GPC5: variants seen among roughly 807,000 people sequenced by gnomAD.
GPC5 encodes glypican-5.
In GPC5, 47 loss-of-function variants were observed where a neutral mutation model predicts 53.9. The ratio of observed to expected loss-of-function variants is 0.87; its 90% CI spans 0.69 to 1.11. The LOEUF is 1.11. Among genes scored for constraint, GPC5 ranks in the 50% most tolerant of loss-of-function variants. The pLI, the probability that GPC5 is intolerant of heterozygous loss-of-function variation, is 0.00. For synonymous variants in GPC5, 286 were observed against 263.3 expected (o/e 1.09, Z -0.84); for missense variants, 748 against 713.1 (o/e 1.05, Z -0.56).
chr13:91,922,599 C>T (rs916808599), intron 6 of GPC5, among the ~76,000 whole-genome samples: 1 of 152,170 alleles, frequency 6.6e-6, no homozygotes, highest in Non-Finnish European at 1.5e-5. Context: ...CTCAGTTTCT[C>T]TCAACATAGA....
At chr13:92,118,594 A>G (rs1039535009) in intron 6 of GPC5, among the ~76,000 whole-genome samples, 1 of 152,184 alleles carries the variant, frequency 6.6e-6, no homozygotes, top group African/African-American at 2.4e-5. Context: ...CAGAGGCCAC[A>G]TTCCTGGTTC....
At chr13:92,865,872 T>C (rs1879318902) in intron 7 of GPC5, among the ~76,000 whole-genome samples, 1 of 152,164 alleles carries the variant, frequency 6.6e-6, no homozygotes, top group Non-Finnish European at 1.5e-5. Flanking sequence ...TAAAAAATAT[T>C]TTATTCAATT....
chr13:92,397,603 C>G (rs1875346384), intron 7 of GPC5, among the ~76,000 whole-genome samples: 1 of 152,198 alleles, frequency 6.6e-6, no homozygotes, highest in South Asian at 2.1e-4. Context: ...TTCCGTGAAT[C>G]TGCCTCTCTG....
intron 7 of GPC5, among the ~76,000 whole-genome samples, chr13:92,563,945 A>G (rs1480211560): frequency 6.6e-6 from 1 of 151,802 alleles, no homozygotes; most frequent in Non-Finnish European, 1.5e-5. Flanking sequence ...ATCATCCATT[A>G]ATTACTCATC....
chr13:92,309,001 G>C (rs1566531549), intron 7 of GPC5, among the ~76,000 whole-genome samples: 1 of 151,958 alleles, frequency 6.6e-6, no homozygotes, highest in African/African-American at 2.4e-5. Flanking sequence ...CTTTTGAGAG[G>C]AGTCATTATG....
chr13:91,410,528 A>G lies in GPC5; in HGVS notation c.163+11319A>G, dbSNP rs180694048. 5.0e-3 allele frequency among the ~76,000 whole-genome samples: 751 copies of G among 151,424 alleles called. 2 individuals carry two copies. Among genetic ancestry groups the G allele is most frequent in the Non-Finnish European group, 7.9e-3 (539 of 67,822 alleles). ...ACCTGGCTAATTTTTTTGTATTTTT[A>G]GTAGAGACGGGGTTTCACTGTGTTA... On this transcript the variant is annotated intron_variant, in intron 1 of 7. Transcript: ENST00000377067.
At chr13:91,639,048 C>T (rs79181931) in intron 2 of GPC5, among the ~76,000 whole-genome samples, 1 of 152,226 alleles carries the variant, frequency 6.6e-6, no homozygotes, top group East Asian at 1.9e-4. Flanking sequence ...TGAAAAACTG[C>T]CATAAACTTT....
intron 7 of GPC5, among the ~76,000 whole-genome samples, chr13:92,254,867 C>G (rs1194942836): frequency 6.6e-6 from 1 of 152,064 alleles, no homozygotes; most frequent in Non-Finnish European, 1.5e-5. Context: ...TGGGGTCCCT[C>G]CCCCAGTACA....
chr13:92,740,219 C>T (rs1889048340), intron 7 of GPC5, among the ~76,000 whole-genome samples: 1 of 152,048 alleles, frequency 6.6e-6, no homozygotes, highest in African/African-American at 2.4e-5. Flanking sequence ...CTTTAGGTTT[C>T]TGGATCAAAT....
intron 6 of GPC5, among the ~76,000 whole-genome samples, chr13:92,116,626 G>A (rs1388361658): frequency 2.0e-5 from 3 of 152,194 alleles, no homozygotes; most frequent in Non-Finnish European, 4.4e-5. Context: ...ATCAACATAG[G>A]CTGTCTAAAG....
intron 7 of GPC5, among the ~76,000 whole-genome samples, chr13:92,596,556 C>T (rs1226208845): frequency 2.0e-5 from 3 of 152,080 alleles, no homozygotes; most frequent in African/African-American, 4.8e-5. Flanking sequence ...TCACTGCAAC[C>T]TCTGGCTTCT....
intron 7 of GPC5, among the ~76,000 whole-genome samples, chr13:92,385,429 CAT>C (rs1275760317): frequency 2.6e-5 from 2 of 77,180 alleles, no homozygotes; most frequent in African/African-American, 9.2e-5. Flanking sequence ...TACATATATA[CAT>C]ATATACATAT....
chr13:92,445,244 C>T (rs1877751585), intron 7 of GPC5, among the ~76,000 whole-genome samples: 1 of 134,132 alleles, frequency 7.5e-6, no homozygotes, highest in Non-Finnish European at 1.5e-5. Context: ...AGGTTCCTTT[C>T]CTTTCTCTCT....
chr13:92,325,524 G>A (rs2043244898), intron 7 of GPC5, among the ~76,000 whole-genome samples: 1 of 151,984 alleles, frequency 6.6e-6, no homozygotes, highest in Non-Finnish European at 1.5e-5. Flanking sequence ...AAGGATGATT[G>A]TATTCACTGT....
At chr13:92,109,030 T>C (rs947468209) in intron 6 of GPC5, among the ~76,000 whole-genome samples, 22 of 151,658 alleles carry the variant, frequency 1.5e-4, no homozygotes, top group Non-Finnish European at 4.4e-5. Context: ...TGTTTTCTTG[T>C]AGCGCCTTCT....
At chr13:92,150,260 A>G (rs1437199205) in intron 7 of GPC5, among the ~76,000 whole-genome samples, 1 of 151,338 alleles carries the variant, frequency 6.6e-6, no homozygotes, top group African/African-American at 2.4e-5. Context: ...TCTAAAGGTC[A>G]GATAAAACCC....
At chr13:92,615,850 C>T (rs1198673407) in intron 7 of GPC5, among the ~76,000 whole-genome samples, 1 of 151,956 alleles carries the variant, frequency 6.6e-6, no homozygotes, top group Non-Finnish European at 1.5e-5. Flanking sequence ...GTCAGGAGAT[C>T]GAGACCATCC....
chr13:91,603,044 G>A (rs2033230404), intron 2 of GPC5, among the ~76,000 whole-genome samples: 1 of 152,146 alleles, frequency 6.6e-6, no homozygotes, highest in African/African-American at 2.4e-5. Context: ...AAACATTTTG[G>A]CATGACTGGG....
chr13:91,426,321 C>T (rs1397310502), intron 1 of GPC5, among the ~76,000 whole-genome samples: 6 of 152,122 alleles, frequency 3.9e-5, no homozygotes, highest in Non-Finnish European at 8.8e-5. Context: ...CAGGGCTCTG[C>T]TGCTGTGTGC....
Sources: gnomAD v4.1 joint callset for allele counts (sites outside exome capture counted in the v4.1 genomes callset) on GRCh38, gnomAD v4.1.1 for gene constraint, MANE v1.5 for transcripts, NCBI Gene and HGNC (gene_info 2026-07-23, HGNC 2026-07-21) for gene names.